Variants in SORCS3 observed in about 807,000 individuals in gnomAD.
SORCS3 encodes the protein sortilin related VPS10 domain containing receptor 3.
SORCS3 carries 57 observed loss-of-function variants against 146.3 expected under a neutral mutation model. That is an observed-to-expected ratio of 0.39 (90% CI 0.31 to 0.49). The LOEUF is 0.49. SORCS3 is among the 20% of genes least tolerant of loss of function. The pLI, the probability that SORCS3 is intolerant of heterozygous loss-of-function variation, is 0.92. For missense variants in SORCS3, 1,341 were observed against 1,575.5 expected, an observed-to-expected ratio of 0.85 and a Z score of 2.52; for synonymous variants, 653 against 618.5, an observed-to-expected ratio of 1.06 and a Z score of -0.83.
intron 1 of SORCS3, among the ~76,000 whole-genome samples, chr10:104,724,371 G>A (rs1331101516): frequency 1.3e-5 from 2 of 152,110 alleles, no homozygotes; most frequent in African/African-American, 4.8e-5. Context: ...GCTTTCCTTT[G>A]TGGGTAACCC....
chr10:105,199,978 A>C, intron 14 of SORCS3, 21 bp from the exon 15 acceptor site: 3 of 1,585,918 alleles, frequency 1.9e-6, no homozygotes, highest in Non-Finnish European at 2.6e-6. Context: ...TGTGTCTCCC[A>C]CTCCTCCCCT....
At chr10:105,092,261 T>C (rs1243710522) in intron 6 of SORCS3, among the ~76,000 whole-genome samples, 20 of 152,196 alleles carry the variant, frequency 1.3e-4, no homozygotes. Context: ...AATTCAATAA[T>C]TGAATAAAGG....
intron 1 of SORCS3, among the ~76,000 whole-genome samples, chr10:104,650,253 G>C (rs576381295): frequency 6.6e-6 from 1 of 152,174 alleles, no homozygotes; most frequent in Non-Finnish European, 1.5e-5. Context: ...TGGAACCTGA[G>C]AGCCCTACAT....
chr10:104,718,328 G>T (rs946111541), intron 1 of SORCS3, among the ~76,000 whole-genome samples: 3 of 152,028 alleles, frequency 2.0e-5, no homozygotes, highest in African/African-American at 7.3e-5. Flanking sequence ...AAGAGAGGGC[G>T]AAACTTGCCT....
chr10:105,016,259 C>G (rs1288758395), intron 4 of SORCS3, among the ~76,000 whole-genome samples: 2 of 147,828 alleles, frequency 1.4e-5, no homozygotes, highest in Non-Finnish European at 3.0e-5. Context: ...TAAAGCAATT[C>G]TCCTGCTTCA....
In SORCS3 at chr10:104,797,736, C is replaced by A. The variant is rs528698164; in HGVS notation, c.628-45056C>A. Among the ~76,000 whole-genome samples, 113 of 152,214 alleles carry A rather than the reference C, an allele frequency of 7.4e-4. 1 individual carries two copies. Among genetic ancestry groups the A allele is most frequent in the African/African-American group, 2.7e-3 (111 of 41,526 alleles). On this transcript the variant is annotated intron_variant, in intron 1 of 26. Transcript: ENST00000369701. ...GATCTCTATATATCCAAAGTCCATG[C>A]TTAGCTAACTTTTTCTTGAAAAATC...
At chr10:104,890,803 A>G (rs917763354) in intron 2 of SORCS3, among the ~76,000 whole-genome samples, 1 of 152,208 alleles carries the variant, frequency 6.6e-6, no homozygotes, top group East Asian at 1.9e-4. Context: ...ACTAAATGCC[A>G]GTCCCATCTT....
chr10:105,056,410 A>C (rs908593152), intron 5 of SORCS3, among the ~76,000 whole-genome samples: 11 of 152,264 alleles, frequency 7.2e-5, no homozygotes, highest in African/African-American at 2.4e-4. Context: ...AGGAAAAAAA[A>C]GTTTGTGTCG....
intron 1 of SORCS3, among the ~76,000 whole-genome samples, chr10:104,735,432 G>A (rs1564671181): frequency 2.6e-5 from 3 of 115,180 alleles, no homozygotes. Context: ...CCAGAGCTGC[G>A]GTATTCATGA....
intron 1 of SORCS3, among the ~76,000 whole-genome samples, chr10:104,699,483 C>G (rs141493022): frequency 4.5e-4 from 68 of 152,082 alleles, no homozygotes; most frequent in African/African-American, 1.5e-3. Flanking sequence ...GAGATGGGAC[C>G]CAACTGGCTC....
chr10:104,815,950 A>G (rs2017793077), intron 1 of SORCS3, among the ~76,000 whole-genome samples: 1 of 152,210 alleles, frequency 6.6e-6, no homozygotes, highest in South Asian at 2.1e-4. Context: ...TATGCTATTA[A>G]TTGCTTGAAT....
At chr10:104,685,048 C>T (rs2016028782) in intron 1 of SORCS3, among the ~76,000 whole-genome samples, 1 of 151,834 alleles carries the variant, frequency 6.6e-6, no homozygotes, top group South Asian at 2.1e-4. Flanking sequence ...GAGCTCCTGG[C>T]CTCAAGTGAT....
chr10:104,841,667 T>G (rs898077843), intron 1 of SORCS3, among the ~76,000 whole-genome samples: 1 of 152,134 alleles, frequency 6.6e-6, no homozygotes, highest in Non-Finnish European at 1.5e-5. Flanking sequence ...GGCTGATTAT[T>G]TTTCTTTAAT....
intron 11 of SORCS3, among the ~76,000 whole-genome samples, chr10:105,159,749 C>G (rs761855124): frequency 1.3e-5 from 2 of 152,182 alleles, no homozygotes; most frequent in East Asian, 3.9e-4. Context: ...GGAGCTGGTA[C>G]ATTCTGTTTT....
chr10:104,860,485 G>A (rs1358733497), intron 2 of SORCS3, among the ~76,000 whole-genome samples: 1 of 146,966 alleles, frequency 6.8e-6, no homozygotes, highest in Non-Finnish European at 1.5e-5. Flanking sequence ...CGAGTTAATG[G>A]GTGCAGCACA....
chr10:104,855,546 A>G (rs1419752533), intron 2 of SORCS3, among the ~76,000 whole-genome samples: 2 of 152,202 alleles, frequency 1.3e-5, no homozygotes, highest in East Asian at 3.8e-4. Flanking sequence ...TTAAGTGTAC[A>G]CTTATTTAAG....
At chr10:105,243,012 T>C (rs796270019) in intron 20 of SORCS3, among the ~76,000 whole-genome samples, 1 of 116,670 alleles carries the variant, frequency 8.6e-6, no homozygotes, top group African/African-American at 3.0e-5. Context: ...TGTATTTTTA[T>C]ATATATTTAT....
chr10:104,918,254 G>A (rs879401735), intron 3 of SORCS3, among the ~76,000 whole-genome samples: 5 of 152,022 alleles, frequency 3.3e-5, no homozygotes, highest in African/African-American at 4.8e-5. Flanking sequence ...AGATATCCAT[G>A]GAGTCTCGGT....
intron 1 of SORCS3, among the ~76,000 whole-genome samples, chr10:104,813,716 G>A (rs530284930): frequency 6.6e-6 from 1 of 152,188 alleles, no homozygotes; most frequent in Non-Finnish European, 1.5e-5. Flanking sequence ...GATGCTCCAG[G>A]GGCTGGCAAG....
Sources: gnomAD v4.1 joint callset for allele counts (sites outside exome capture counted in the v4.1 genomes callset) on GRCh38, gnomAD v4.1.1 for gene constraint, MANE v1.5 for transcripts, NCBI Gene and HGNC (gene_info 2026-07-23, HGNC 2026-07-21) for gene names.